The following TMEM272 variants were observed in gnomAD, a reference collection of about 807,000 sequenced individuals.
The protein encoded by TMEM272 is transmembrane protein 272.
Under a neutral mutation model 3.7 loss-of-function variants are expected in TMEM272, and 8 were observed. The ratio of observed to expected loss-of-function variants is 2.17; its 90% CI spans 1.27 to 3.91. TMEM272 has a LOEUF of 3.91. Ranked by LOEUF, TMEM272 falls within the 30% of genes most tolerant of loss-of-function variation. The probability of loss-of-function intolerance (pLI) is 0.00; values close to 1 mark genes in which losing one functional copy is unlikely to be tolerated. For missense variants in TMEM272, 166 were observed against 91.5 expected, an observed-to-expected ratio of 1.81 and a Z score of -3.32; for synonymous variants, 63 against 39.8, an observed-to-expected ratio of 1.58 and a Z score of -2.20.
the TMEM272 span, among the ~76,000 whole-genome samples, chr13:51,871,314 C>T: frequency 6.6e-6 from 1 of 152,026 alleles, no homozygotes; most frequent in Non-Finnish European, 1.5e-5. Context: ...CCTCAGCCTC[C>T]CGAGTAGCTG....
At chr13:51,889,175 T>A in the TMEM272 span, among the ~76,000 whole-genome samples, 1 of 152,210 alleles carries the variant, frequency 6.6e-6, no homozygotes, top group Non-Finnish European at 1.5e-5. Context: ...TAGAAGAGTA[T>A]CTTTTTTATT....
chr13:51,876,165 C>A, the TMEM272 span, among the ~76,000 whole-genome samples: 2 of 152,242 alleles, frequency 1.3e-5, no homozygotes, highest in East Asian at 1.9e-4. Flanking sequence ...AACCAGGAAC[C>A]ATTTATCAGT....
the TMEM272 span, among the ~76,000 whole-genome samples, chr13:51,913,914 G>A: frequency 2.0e-5 from 3 of 152,194 alleles, no homozygotes; most frequent in Non-Finnish European, 2.9e-5. Context: ...GGGAGGACCC[G>A]GCAGAAAGAG....
chr13:51,918,239 A>G, the TMEM272 span, among the ~76,000 whole-genome samples: 1 of 152,006 alleles, frequency 6.6e-6, no homozygotes, highest in Non-Finnish European at 1.5e-5. Context: ...TCCTCCTGCC[A>G]CCTCTGCACC....
At chr13:51,931,293 T>C in the TMEM272 span, among the ~76,000 whole-genome samples, 1 of 122,474 alleles carries the variant, frequency 8.2e-6, no homozygotes, top group Admixed American at 8.9e-5. Flanking sequence ...AAGGATGAGT[T>C]CGTCTCAAAA....
upstream of TMEM272, among the ~76,000 whole-genome samples, chr13:51,845,894 T>C (rs533520316): frequency 1.3e-5 from 2 of 152,372 alleles, no homozygotes; most frequent in East Asian, 1.9e-4. Flanking sequence ...AGGTGCTCCA[T>C]GGACCACACT....
the TMEM272 span, among the ~76,000 whole-genome samples, chr13:51,907,684 C>T: frequency 5.9e-5 from 9 of 152,238 alleles, no homozygotes; most frequent in African/African-American, 2.2e-4. Flanking sequence ...ATACTGCCTC[C>T]CTATTCGGTG....
At chr13:51,931,859 T>G in the TMEM272 span, among the ~76,000 whole-genome samples, 1 of 151,928 alleles carries the variant, frequency 6.6e-6, no homozygotes, top group Admixed American at 6.6e-5. Flanking sequence ...CATGAGATAA[T>G]CACCTCAATG....
chr13:51,826,752 G>T, intron 2 of TMEM272, 127 bp from the exon 3 acceptor site: 2 of 656,056 alleles, frequency 3.0e-6, no homozygotes, highest in South Asian at 3.3e-5. Context: ...CAGCAGACAG[G>T]AGGAGAAGGT....
At chr13:51,926,455 C>T in the TMEM272 span, among the ~76,000 whole-genome samples, 7 of 152,158 alleles carry the variant, frequency 4.6e-5, no homozygotes, top group South Asian at 2.1e-4. Context: ...ATTCACTAGT[C>T]CTCCCCACTG....
At chr13:51,927,919 C>T in the TMEM272 span, among the ~76,000 whole-genome samples, 5 of 152,226 alleles carry the variant, frequency 3.3e-5, no homozygotes, top group Admixed American at 1.3e-4. Context: ...CATTTTACAC[C>T]GATTCAGAAG....
the TMEM272 span, among the ~76,000 whole-genome samples, chr13:51,920,163 A>AGCTGCTGCCTGTATTTTGC: frequency 6.6e-6 from 1 of 151,950 alleles, no homozygotes; most frequent in Non-Finnish European, 1.5e-5. Flanking sequence ...GAAAGATGTG[A>AGCTGCTGCCTGTATTTTGC]GCTGCTGCCT....
At chr13:51,854,353 A>G in the TMEM272 span, among the ~76,000 whole-genome samples, 1 of 152,212 alleles carries the variant, frequency 6.6e-6, no homozygotes, top group Non-Finnish European at 1.5e-5. Flanking sequence ...TCAATTTCAC[A>G]TTTCTATCAG....
the TMEM272 span, among the ~76,000 whole-genome samples, chr13:51,881,997 G>A: frequency 6.6e-6 from 1 of 152,178 alleles, no homozygotes; most frequent in Non-Finnish European, 1.5e-5. Flanking sequence ...TTTCTATGGT[G>A]TGAGACTAAA....
the TMEM272 span, among the ~76,000 whole-genome samples, chr13:51,888,647 T>TC: frequency 9.5e-6 from 1 of 105,640 alleles, no homozygotes; most frequent in Non-Finnish European, 1.9e-5. Context: ...TTCTTTTTTT[T>TC]TTTTTTTTTT....
intron 2 of TMEM272, among the ~76,000 whole-genome samples, chr13:51,833,798 C>T (rs1485265784): frequency 6.6e-6 from 1 of 152,182 alleles, no homozygotes; most frequent in Non-Finnish European, 1.5e-5. Context: ...GACCCTTCCA[C>T]AATACTGATG....
At chr13:51,850,441 G>A in the TMEM272 span, among the ~76,000 whole-genome samples, 4 of 152,152 alleles carry the variant, frequency 2.6e-5, no homozygotes, top group Non-Finnish European at 4.4e-5. Context: ...AGTCAGAATG[G>A]AGACACCAGT....
chr13:51,908,656 T>A, the TMEM272 span: 4 of 1,483,248 alleles, frequency 2.7e-6, no homozygotes, highest in South Asian at 1.1e-5. Flanking sequence ...CTGGATTCCA[T>A]TTCTGAAGGC....
the TMEM272 span, among the ~76,000 whole-genome samples, chr13:51,861,434 T>C: frequency 6.6e-6 from 1 of 152,034 alleles, no homozygotes; most frequent in Non-Finnish European, 1.5e-5. Context: ...TTTTACTACA[T>C]GACAAAAATT....
Sources: allele counts gnomAD v4.1 joint callset (sites outside exome capture counted in the v4.1 genomes callset), GRCh38; gene constraint gnomAD v4.1.1; transcripts MANE v1.5; gene names NCBI Gene and HGNC (gene_info 2026-07-23, HGNC 2026-07-21).